CD84: variants seen among roughly 807,000 people sequenced by gnomAD.
CD84 encodes SLAM family member 5.
CD84 carries 22 observed loss-of-function variants against 33.8 expected under a neutral mutation model. The observed-to-expected ratio is 0.65, with a 90% CI of 0.46 to 0.93. CD84 has a LOEUF of 0.93. Among genes scored for constraint, CD84 ranks in the 40% least tolerant of loss-of-function variants. The pLI is 0.00. For missense variants in CD84, 400 were observed against 397.6 expected (o/e 1.01, Z -0.05); for synonymous variants, 154 against 145.2 (o/e 1.06, Z -0.44).
chr1:160,562,598 A>C (rs1657051975), intron 2 of CD84, among the ~76,000 whole-genome samples: 1 of 152,198 alleles, frequency 6.6e-6, no homozygotes, highest in Non-Finnish European at 1.5e-5. Flanking sequence ...TTAAATGTAA[A>C]GCCCCAAAGT....
intron 4 of CD84, 74 bp from the exon 5 acceptor site, chr1:160,551,109 T>C: frequency 9.1e-7 from 1 of 1,097,526 alleles, no homozygotes; most frequent in Non-Finnish European, 1.4e-6. Context: ...TCCAATGTTC[T>C]CTTTTTAAGA....
At chr1:160,563,802 C>T (rs796658421) in intron 2 of CD84, among the ~76,000 whole-genome samples, 3 of 152,096 alleles carry the variant, frequency 2.0e-5, no homozygotes, top group East Asian at 1.9e-4. Flanking sequence ...TTTTTTGGTG[C>T]TAAGATTTCA....
Position 160,546,028 on chromosome 1 carries a change from T to C in CD84, c.*2228A>G. 7.0e-6 allele frequency: 1 copy of C among 143,026 alleles called. No individual in the cohort carries two copies. The highest frequency in any genetic ancestry group is 2.6e-5 in the African/African-American group (1 of 38,450). The allele number at this position is 143,026 out of a possible 1,614,324, so 8.9% of individuals were successfully genotyped here. On this transcript the variant is annotated 3_prime_UTR_variant, in exon 7 of 7. Coordinates refer to ENST00000368054, the MANE Select transcript of CD84 (RefSeq NM_003874.4). The stretch of plus-strand genomic sequence containing the variant: ...TCGAGATGGAGTCTCACTCTGTCTC[T>C]CCCAGGCTGGAGTGCAGTGGTGTGA...
intron 5 of CD84, chr1:160,550,638 G>A (rs1015559929): frequency 1.0e-6 from 1 of 985,352 alleles, no homozygotes; most frequent in Non-Finnish European, 1.2e-6. Flanking sequence ...TCTGTTGTGT[G>A]GCCCCTCTAG....
intron 1 of CD84, among the ~76,000 whole-genome samples, chr1:160,566,709 T>C (rs1335059111): frequency 6.6e-6 from 1 of 152,180 alleles, no homozygotes; most frequent in Non-Finnish European, 1.5e-5. Flanking sequence ...GCACAAAATA[T>C]GTAAGCATTA....
chr1:160,573,919 C>T (rs1284673402), intron 1 of CD84, among the ~76,000 whole-genome samples: 1 of 151,898 alleles, frequency 6.6e-6, no homozygotes, highest in African/African-American at 2.4e-5. Context: ...GATCCCATCT[C>T]TATGAAAAAG....
At chr1:160,570,163 C>A (rs1432745515) in intron 1 of CD84, among the ~76,000 whole-genome samples, 1 of 152,100 alleles carries the variant, frequency 6.6e-6, no homozygotes, top group African/African-American at 2.4e-5. Context: ...TGCTAGAATT[C>A]AATTGTTCAT....
Position 160,549,772 on chromosome 1 carries a change from A to G in CD84, c.921+145T>C, listed in dbSNP as rs1399932023. The G allele has an allele frequency of 5.6e-6, 4 of 718,856 alleles. No individual in the cohort carries two copies. The East Asian group carries it at 7.7e-5, about 14-fold the overall frequency. 44.5% of individuals were successfully genotyped at this position (718,856 alleles called of 1,614,324 possible). ...GGGCTTTGTGCATGGGTGGAAGTAC[A>G]TATAGACCAAAAACCTAGGCAGTGG... is the stretch of plus-strand genomic sequence containing the variant. On this transcript the variant is annotated intron_variant, in intron 6 of 6. Coordinates refer to ENST00000368054, the MANE Select transcript of CD84 (RefSeq NM_003874.4).
chr1:160,550,119 C>T (rs1243524311), intron 5 of CD84, 140 bp from the exon 6 acceptor site: 20 of 695,672 alleles, frequency 2.9e-5, no homozygotes, highest in Non-Finnish European at 5.2e-5. Flanking sequence ...AGTTCTGCCT[C>T]CATCCAACTC....
rs1657256546 is a variant in CD84, at chr1:160,565,415, A to G, written c.377T>C (p.Leu126Pro). Residue 126 changes from leucine to proline, a missense_variant, in exon 2 of 7, where the codon CTG becomes CCG. Transcript: ENST00000368054. ...TTCCCATGACTTACGATAGATTTGC[A>G]GGTTGTAGCGCTTGGTGGTGGTGTA... ...DPYTTTKRYNLQIYRRLGKPK... is the reference protein window; with the variant it reads ...DPYTTTKRYNPQIYRRLGKPK... 2 of 1,595,044 alleles carry G rather than the reference A, an allele frequency of 1.3e-6. No individual in the cohort carries two copies. The highest frequency in any genetic ancestry group is 1.7e-6 in the Non-Finnish European group (2 of 1,170,222).
chr1:160,550,868 C>A, intron 5 of CD84, 70 bp downstream of exon 5: 1 of 1,605,156 alleles, frequency 6.2e-7, no homozygotes, highest in Non-Finnish European at 8.5e-7. Context: ...CAAGCAGAGG[C>A]AATGGCTGCC....
Position 160,545,562 on chromosome 1 carries a change from A to T in CD84, c.*2694T>A, listed in dbSNP as rs1655782586. 6.6e-6 allele frequency: 1 copy of T among 152,192 alleles called. No homozygotes were observed. The highest frequency in any genetic ancestry group is 1.5e-5 in the Non-Finnish European group (1 of 68,050). The allele number at this position is 152,192 out of a possible 1,614,324, so 9.4% of individuals were successfully genotyped here. ...CTTAGTTGGTCTGCCTAACTCTGAA[A>T]GTCTTCTCCCTCCAAAGTGCCTTTA... On this transcript the variant is annotated 3_prime_UTR_variant, in exon 7 of 7. Coordinates refer to ENST00000368054, the MANE Select transcript of CD84 (RefSeq NM_003874.4).
At chr1:160,550,686 G>A in intron 5 of CD84, 5 of 985,340 alleles carry the variant, frequency 5.1e-6, no homozygotes, top group African/African-American at 1.7e-5. Context: ...ATCTAACCTG[G>A]AGCCGGGCCC....
intron 1 of CD84, among the ~76,000 whole-genome samples, chr1:160,572,502 C>T (rs545899937): frequency 2.0e-4 from 31 of 151,518 alleles, no homozygotes; most frequent in East Asian, 9.8e-4. Context: ...AATGCAATTG[C>T]GAAGATAAAG....
intron 1 of CD84, 118 bp downstream of exon 1, chr1:160,579,274 T>G: frequency 7.1e-7 from 1 of 1,412,310 alleles, no homozygotes; most frequent in South Asian, 1.3e-5. Flanking sequence ...CAGTAGATAC[T>G]GAGACCCAGG....
At chr1:160,569,821 G>A (rs1220387286) in intron 1 of CD84, among the ~76,000 whole-genome samples, 2 of 152,164 alleles carry the variant, frequency 1.3e-5, no homozygotes, top group Non-Finnish European at 2.9e-5. Context: ...GATGTTAATT[G>A]GATGAATATA....
intron 3 of CD84, 62 bp from the exon 4 acceptor site, chr1:160,553,559 G>A (rs1656392710): frequency 6.3e-7 from 1 of 1,592,582 alleles, no homozygotes; most frequent in Non-Finnish European, 8.6e-7. Flanking sequence ...GGCTGGGCAG[G>A]TTTGCCCACA....
chr1:160,544,145 CTTTTTTTTTTT>C lies in CD84; in HGVS notation c.*4100_*4110del, dbSNP rs34031902. 1.1e-5 allele frequency: 1 copy of C among 90,140 alleles called. No homozygotes were observed. The highest frequency in any genetic ancestry group is 4.1e-5 in the African/African-American group (1 of 24,264). 5.6% of individuals were successfully genotyped at this position (90,140 alleles called of 1,614,324 possible). A position where few individuals can be genotyped will look rare whatever the true frequency, so the allele number is the denominator to read the frequency against. ...CCTCTTATTGTCTTTGTTCTTCAAACTTTTTTTTTTTTTTTTTTTTTTGAGACGGAGTCTCA... is the reference window on the plus strand; with the variant it reads ...CCTCTTATTGTCTTTGTTCTTCAAACTTTTTTTTTTTGAGACGGAGTCTCA... On this transcript the variant is annotated 3_prime_UTR_variant, in exon 7 of 7. Coordinates refer to ENST00000368054, the MANE Select transcript of CD84 (RefSeq NM_003874.4).
At chr1:160,551,223 A>G (rs1656198376) in intron 4 of CD84, 188 bp from the exon 5 acceptor site, 4 of 575,548 alleles carry the variant, frequency 6.9e-6, no homozygotes, top group Non-Finnish European at 1.2e-5. Flanking sequence ...CCTCACCCAC[A>G]GGTCAATGGG....
Sources: allele counts gnomAD v4.1 joint callset (sites outside exome capture counted in the v4.1 genomes callset), GRCh38; gene constraint gnomAD v4.1.1; transcripts MANE v1.5; gene names NCBI Gene and HGNC (gene_info 2026-07-23, HGNC 2026-07-21).